Variants in OXR1 observed in about 807,000 individuals in gnomAD.
OXR1 encodes the protein oxidation resistance 1.
In OXR1, 41 loss-of-function variants were observed where a neutral mutation model predicts 104.6. The observed-to-expected ratio is 0.39, with a 90% confidence interval of 0.31 to 0.51. The LOEUF is 0.51. Among genes scored for constraint, OXR1 ranks in the 20% least tolerant of loss-of-function variants. The pLI, the probability that OXR1 is intolerant of heterozygous loss-of-function variation, is 0.77. For missense variants in OXR1, 955 were observed against 1,031.9 expected (o/e 0.93, Z 1.02); for synonymous variants, 348 against 348.4 (o/e 1.00, Z 0.01).
chr8:106,621,103 T>A lies in OXR1; in HGVS notation c.221-58107T>A, dbSNP rs184263913. On this transcript the variant is annotated intron_variant, in intron 3 of 16. Transcript: ENST00000517566. ...TCAGATTATTTCTTGCATATCAGAGTCCTGTCTGTTCTGAACTCCAGTGCT... is the reference window on the plus strand; with the variant it reads ...TCAGATTATTTCTTGCATATCAGAGACCTGTCTGTTCTGAACTCCAGTGCT... Among the ~76,000 whole-genome samples the A allele has an allele frequency of 2.0e-3, 310 of 152,256 alleles. 5 individuals are homozygous for A. Among genetic ancestry groups the A allele is most frequent in the Non-Finnish European group, 1.6e-4 (11 of 68,008 alleles).
intron 3 of OXR1, among the ~76,000 whole-genome samples, chr8:106,648,537 T>C (rs80342059): frequency 0.028 from 4,211 of 152,310 alleles, 193 homozygotes; most frequent in African/African-American, 0.096. Context: ...ATCATTGTCT[T>C]ACTTGAAAGT....
intron 11 of OXR1, among the ~76,000 whole-genome samples, chr8:106,735,903 C>T (rs1834323108): frequency 6.6e-6 from 1 of 152,064 alleles, no homozygotes; most frequent in African/African-American, 2.4e-5. Context: ...GAAATATTCT[C>T]ATTCAAAAAT....
chr8:106,686,366 A>G (rs1828724530), intron 6 of OXR1, among the ~76,000 whole-genome samples: 1 of 151,932 alleles, frequency 6.6e-6, no homozygotes, highest in South Asian at 2.1e-4. Context: ...CCTGCCATCA[A>G]AGAGATTATG....
intron 2 of OXR1, among the ~76,000 whole-genome samples, chr8:106,415,183 T>C (rs1818621604): frequency 6.6e-6 from 1 of 152,138 alleles, no homozygotes; most frequent in African/African-American, 2.4e-5. Flanking sequence ...CATAATTTAC[T>C]TTTCACCATT....
intron 1 of OXR1, among the ~76,000 whole-genome samples, chr8:106,354,859 T>C (rs996859526): frequency 1.3e-5 from 2 of 152,118 alleles, no homozygotes; most frequent in Non-Finnish European, 1.5e-5. Context: ...TAATTACAAC[T>C]AAACGAATTT....
chr8:106,649,556 G>GA lies in OXR1; in HGVS notation c.221-29640dup, dbSNP rs34066181. Among the ~76,000 whole-genome samples, 211 of 123,062 alleles carry GA rather than the reference G, an allele frequency of 1.7e-3. 2 individuals are homozygous for GA. In the East Asian group the frequency reaches 0.023, roughly 14 times the overall value. The allele number at this position is 123,062 out of a possible 152,430, so 80.7% of individuals were successfully genotyped here. On this transcript the variant is annotated intron_variant, in intron 3 of 16. Coordinates refer to ENST00000517566, the MANE Select transcript of OXR1 (RefSeq NM_001198533.2). ...ATGGCAAGGTAGTTCTACTTTTTTG[G>GA]AAAAAAAAAAAAAAGAAAAGATGGT...
At chr8:106,551,783 A>C (rs1815824070) in intron 3 of OXR1, among the ~76,000 whole-genome samples, 1 of 126,288 alleles carries the variant, frequency 7.9e-6, no homozygotes, top group Admixed American at 9.0e-5. Flanking sequence ...CCCTGTCTCC[A>C]CTATACATAT....
chr8:106,390,693 G>GT (rs1438996195), intron 2 of OXR1, among the ~76,000 whole-genome samples: 16 of 152,214 alleles, frequency 1.1e-4, no homozygotes, highest in Admixed American at 2.6e-4. Flanking sequence ...AAACAATTCA[G>GT]TAGAAAATTT....
intron 1 of OXR1, among the ~76,000 whole-genome samples, chr8:106,293,712 C>T (rs1016511853): frequency 1.3e-5 from 2 of 152,120 alleles, no homozygotes; most frequent in Non-Finnish European, 2.9e-5. Context: ...TGGCAGAAGA[C>T]AGAAGGGCAA....
At chr8:106,560,530 G>T (rs934006689) in intron 3 of OXR1, among the ~76,000 whole-genome samples, 8 of 152,068 alleles carry the variant, frequency 5.3e-5, no homozygotes, top group African/African-American at 1.9e-4. Flanking sequence ...TTCTTCTGAA[G>T]CATCTGTAAG....
intron 1 of OXR1, among the ~76,000 whole-genome samples, chr8:106,326,043 G>A (rs546670924): frequency 3.3e-5 from 5 of 152,196 alleles, no homozygotes; most frequent in Non-Finnish European, 7.4e-5. Context: ...TAGATACCAA[G>A]TATATAAAGT....
rs991997123 is a variant in OXR1, at chr8:106,323,025, GA to G, written c.-138-36442del. On this transcript the variant is annotated intron_variant, in intron 1 of 16. Transcript: ENST00000517566. ...ACCAATGACATTCTTCAGAGAACTA[GA>G]AAAAAAAAGACTATTTTAAAATTTA... Among the ~76,000 whole-genome samples, 6 of 149,806 alleles carry G rather than the reference GA, an allele frequency of 4.0e-5. No homozygotes were observed. The East Asian group carries it at 9.7e-4, about 24-fold the overall frequency.
chr8:106,285,035 G>A (rs1171535946), intron 1 of OXR1, among the ~76,000 whole-genome samples: 1 of 152,126 alleles, frequency 6.6e-6, no homozygotes, highest in Non-Finnish European at 1.5e-5. Context: ...TGTTACATAT[G>A]TATACATGTG....
At chr8:106,402,073 G>A (rs941894429) in intron 2 of OXR1, among the ~76,000 whole-genome samples, 1 of 152,154 alleles carries the variant, frequency 6.6e-6, no homozygotes, top group Non-Finnish European at 1.5e-5. Context: ...TGTATACCAG[G>A]TACTAGGGGA....
intron 2 of OXR1, among the ~76,000 whole-genome samples, chr8:106,441,402 GTTCT>G (rs1261344852): frequency 2.0e-5 from 3 of 151,586 alleles, no homozygotes; most frequent in African/African-American, 7.3e-5. Flanking sequence ...GCTATATGGG[GTTCT>G]TTGATTCCAT....
intron 7 of OXR1, chr8:106,697,297 G>T (rs1830139681): frequency 2.6e-6 from 2 of 763,156 alleles, no homozygotes; most frequent in Non-Finnish European, 4.3e-6. Context: ...AGGACAGGCT[G>T]AACCCCTCAC....
chr8:106,554,284 G>A (rs1307800990), intron 3 of OXR1, among the ~76,000 whole-genome samples: 1 of 152,216 alleles, frequency 6.6e-6, no homozygotes, highest in Non-Finnish European at 1.5e-5. Flanking sequence ...GAAAACATCA[G>A]ACAGATGTAA....
chr8:106,743,420 C>T (rs1403981468), intron 15 of OXR1, among the ~76,000 whole-genome samples: 1 of 152,214 alleles, frequency 6.6e-6, no homozygotes, highest in Non-Finnish European at 1.5e-5. Flanking sequence ...CTTCCAGGTT[C>T]AAGCAATTCT....
At chr8:106,686,646 A>G (rs1465902062) in intron 6 of OXR1, among the ~76,000 whole-genome samples, 2 of 152,102 alleles carry the variant, frequency 1.3e-5, no homozygotes, top group African/African-American at 4.8e-5. Flanking sequence ...TAGTATTGTT[A>G]TTATATGTTT....
Sources: allele counts gnomAD v4.1 joint callset (sites outside exome capture counted in the v4.1 genomes callset), GRCh38; gene constraint gnomAD v4.1.1; transcripts MANE v1.5; gene names NCBI Gene and HGNC (gene_info 2026-07-23, HGNC 2026-07-21).